Variants in COL5A2 observed in about 807,000 individuals in gnomAD.
The protein encoded by COL5A2 is collagen alpha-2(V) chain.
Under a neutral mutation model 208.2 loss-of-function variants are expected in COL5A2, and 23 were observed. That is an observed-to-expected ratio of 0.11 (90% CI 0.08 to 0.16). The LOEUF is 0.16. Ranked by LOEUF, COL5A2 falls within the 10% of genes least tolerant of loss-of-function variation. The pLI is 1.00. For synonymous variants in COL5A2, 625 were observed against 628.5 expected, an observed-to-expected ratio of 0.99 and a Z score of 0.08; for missense variants, 1,590 against 1,956.4, an observed-to-expected ratio of 0.81 and a Z score of 3.53.
At chr2:189,437,009 A>T in the COL5A2 span, among the ~76,000 whole-genome samples, 84 of 152,222 alleles carry the variant, frequency 5.5e-4, no homozygotes, top group Non-Finnish European at 1.0e-3. Flanking sequence ...TGGAACTTAA[A>T]ATAAAAGTTG....
upstream of COL5A2, among the ~76,000 whole-genome samples, chr2:189,227,899 A>C (rs1352710236): frequency 6.6e-6 from 1 of 151,982 alleles, no homozygotes; most frequent in African/African-American, 2.4e-5. Context: ...CAGAATATGC[A>C]TTCTTCTCTC....
chr2:189,082,687 G>A (rs1686561460), intron 12 of COL5A2, among the ~76,000 whole-genome samples: 1 of 152,154 alleles, frequency 6.6e-6, no homozygotes, highest in Non-Finnish European at 1.5e-5. Flanking sequence ...GCTGACCCAG[G>A]ACTGTCATTA....
At chr2:189,310,973 C>T in the COL5A2 span, among the ~76,000 whole-genome samples, 1 of 150,672 alleles carries the variant, frequency 6.6e-6, no homozygotes, top group Non-Finnish European at 1.5e-5. Flanking sequence ...TTAATGAGTA[C>T]AAAAAAAAAT....
chr2:189,106,607 ATTAT>A (rs564348489), intron 2 of COL5A2, among the ~76,000 whole-genome samples: 5 of 151,008 alleles, frequency 3.3e-5, no homozygotes, highest in Non-Finnish European at 7.4e-5. Context: ...TTAATGTCAA[ATTAT>A]TTATTCAGGC....
At chr2:189,305,162 A>G in the COL5A2 span, among the ~76,000 whole-genome samples, 3 of 152,342 alleles carry the variant, frequency 2.0e-5, no homozygotes, top group Admixed American at 2.0e-4. Context: ...ATTGCTATCC[A>G]CTTGGTATCA....
At chr2:189,059,585 G>GTTTGTTTTTTTTTTTTT (rs1685978787) in intron 31 of COL5A2, among the ~76,000 whole-genome samples, 1 of 28,594 alleles carries the variant, frequency 3.5e-5, no homozygotes, top group East Asian at 1.1e-3. Context: ...TTCTTTTCTG[G>GTTTGTTTTTTTTTTTTT]TTTTTTTTTT....
the COL5A2 span, among the ~76,000 whole-genome samples, chr2:189,251,123 G>A: frequency 6.6e-6 from 1 of 151,420 alleles, no homozygotes; most frequent in Non-Finnish European, 1.5e-5. Flanking sequence ...ATTGATGGGG[G>A]GCATGGCTCT....
At position 189,034,866 on chromosome 2, in the gene COL5A2, A is replaced by T. The variant is rs756594337; in HGVS notation, c.4353+50T>A. ...AGTGCTGTAATAGTATTTTTAACAA[A>T]AATAATTTTTTTTCCTCAACCAGAT... On this transcript the variant is annotated intron_variant, in intron 53 of 53. Coordinates refer to ENST00000374866, the MANE Select transcript of COL5A2 (RefSeq NM_000393.5). 4 of 1,612,058 alleles carry T rather than the reference A, an allele frequency of 2.5e-6. No individual in the cohort carries two copies. In the South Asian group the frequency reaches 4.4e-5, roughly 18 times the overall value.
intron 8 of COL5A2, among the ~76,000 whole-genome samples, chr2:189,087,527 G>A (rs1482199953): frequency 2.0e-5 from 3 of 151,490 alleles, no homozygotes; most frequent in Non-Finnish European, 2.9e-5. Flanking sequence ...GCAGTGGCGC[G>A]ACCTGGGCTC....
chr2:189,294,378 G>A, the COL5A2 span, among the ~76,000 whole-genome samples: 1 of 152,166 alleles, frequency 6.6e-6, no homozygotes, highest in Admixed American at 6.5e-5. Flanking sequence ...ACTATATAAT[G>A]AGGCAGAAAC....
chr2:189,045,289 C>T, intron 46 of COL5A2, 57 bp from the exon 47 acceptor site: 1 of 1,132,148 alleles, frequency 8.8e-7, no homozygotes, highest in Non-Finnish European at 1.3e-6. Flanking sequence ...TCACATATTA[C>T]ATAGATACAG....
chr2:189,312,871 GA>G, the COL5A2 span, among the ~76,000 whole-genome samples: 1,149 of 138,664 alleles, frequency 8.3e-3, 3 homozygotes, highest in African/African-American at 0.016. Flanking sequence ...ACTGTTAAAG[GA>G]AAAAAAAAAA....
intron 29 of COL5A2, among the ~76,000 whole-genome samples, chr2:189,062,613 T>C (rs919004459): frequency 2.0e-5 from 3 of 152,106 alleles, no homozygotes; most frequent in Non-Finnish European, 4.4e-5. Context: ...TCCTTAACTG[T>C]GACATATAAA....
chr2:189,320,248 A>T, the COL5A2 span, among the ~76,000 whole-genome samples: 1 of 152,190 alleles, frequency 6.6e-6, no homozygotes, highest in Non-Finnish European at 1.5e-5. Context: ...AAATTCTAAA[A>T]ATCAGAGCGC....
rs757199738 is a variant in COL5A2 at position 189,088,725 on chromosome 2, C to A, written c.615G>T (p.Gly205=). 1.9e-6 allele frequency: 3 copies of A among 1,613,980 alleles called. No individual in the cohort carries two copies. The East Asian group carries it at 6.7e-5, about 36-fold the overall frequency. Residue 205 remains glycine, a synonymous_variant, in exon 8 of 54, where the codon GGG becomes GGT. Transcript: ENST00000374866. ...AGCCAGGCATTAGTCCTACTTGACT[C>A]CCAAGTCCAGATTTTTCATCCAACC... ...MAGLDEKSGL[G]SQVGLMPGSV...
At chr2:189,058,827 T>C (rs745969876) in intron 32 of COL5A2, 22 bp downstream of exon 32, 5 of 1,610,082 alleles carry the variant, frequency 3.1e-6, no homozygotes, top group Middle Eastern at 1.7e-4. Flanking sequence ...ACAACATTAA[T>C]CATGAAGATT....
intron 1 of COL5A2, among the ~76,000 whole-genome samples, chr2:189,116,930 T>G (rs1687403859): frequency 6.6e-6 from 1 of 152,192 alleles, no homozygotes; most frequent in African/African-American, 2.4e-5. Context: ...TTCAATGCAT[T>G]TCAGTGAGCA....
At chr2:189,196,110 GA>G (rs1231024460) in intron 1 of COL5A2, among the ~76,000 whole-genome samples, 1 of 151,810 alleles carries the variant, frequency 6.6e-6, no homozygotes, top group Non-Finnish European at 1.5e-5. Context: ...AAATTTACAA[GA>G]AAAAAACAAC....
At chr2:189,363,192 A>G in the COL5A2 span, among the ~76,000 whole-genome samples, 11 of 152,114 alleles carry the variant, frequency 7.2e-5, 1 homozygote, top group Admixed American at 3.9e-4. Context: ...AGGAACTTCA[A>G]TGCTCTCAAA....
Sources: gnomAD v4.1 joint callset for allele counts (sites outside exome capture counted in the v4.1 genomes callset) on GRCh38, gnomAD v4.1.1 for gene constraint, MANE v1.5 for transcripts, NCBI Gene and HGNC (gene_info 2026-07-23, HGNC 2026-07-21) for gene names.